Variants in PRR16 observed in about 807,000 individuals in gnomAD.
PRR16 encodes proline rich 16.
PRR16 carries 6 observed loss-of-function variants against 18.2 expected under a neutral mutation model. The ratio of observed to expected loss-of-function variants is 0.33; its 90% CI spans 0.18 to 0.65. The LOEUF (loss-of-function observed/expected upper bound fraction) is 0.65. Among genes scored for constraint, PRR16 ranks in the 30% least tolerant of loss-of-function variants. PRR16 has a pLI of 0.74. For missense variants in PRR16, 412 were observed against 376.6 expected (o/e 1.09, Z -0.78); for synonymous variants, 151 against 147.8 (o/e 1.02, Z -0.16).
At chr5:120,667,705 A>G (rs374153507) in intron 1 of PRR16, among the ~76,000 whole-genome samples, 1 of 151,412 alleles carries the variant, frequency 6.6e-6, no homozygotes, top group Non-Finnish European at 1.5e-5. Flanking sequence ...CCTTCATTTC[A>G]TTATGTACCC....
chr5:120,604,785 C>T (rs1754100323), intron 1 of PRR16, among the ~76,000 whole-genome samples: 1 of 152,116 alleles, frequency 6.6e-6, no homozygotes, highest in African/African-American at 2.4e-5. Flanking sequence ...TTCCCCTTCA[C>T]TTTTGTAGCT....
the PRR16 span, among the ~76,000 whole-genome samples, chr5:120,708,754 A>AT: frequency 1.3e-5 from 2 of 152,028 alleles, no homozygotes; most frequent in Admixed American, 6.6e-5. Flanking sequence ...CACAACTTAG[A>AT]TTTTTTTAAG....
the PRR16 span, among the ~76,000 whole-genome samples, chr5:120,737,890 A>T: frequency 1.1e-4 from 16 of 152,034 alleles, no homozygotes; most frequent in African/African-American, 3.9e-4. Flanking sequence ...TAGGTTATTT[A>T]TTTTGTTTGC....
chr5:120,471,878 A>G (rs1467450995), intron 1 of PRR16, among the ~76,000 whole-genome samples: 1 of 152,164 alleles, frequency 6.6e-6, no homozygotes, highest in Non-Finnish European at 1.5e-5. Flanking sequence ...GTAGACTCAC[A>G]AGGTAGTCTG....
chr5:120,529,096 G>A (rs1188867214), intron 1 of PRR16, among the ~76,000 whole-genome samples: 2 of 152,054 alleles, frequency 1.3e-5, no homozygotes, highest in African/African-American at 4.8e-5. Context: ...TTCTTAATAT[G>A]TATTAGAACA....
the PRR16 span, among the ~76,000 whole-genome samples, chr5:120,701,967 T>C: frequency 6.6e-6 from 1 of 152,014 alleles, no homozygotes; most frequent in Non-Finnish European, 1.5e-5. Flanking sequence ...CAGAAGAAAA[T>C]AAGGCATTTA....
At chr5:120,465,214 GC>G (rs1374633573) in intron 1 of PRR16, among the ~76,000 whole-genome samples, 2 of 152,160 alleles carry the variant, frequency 1.3e-5, no homozygotes, top group African/African-American at 4.8e-5. Context: ...CAGCCTTGGG[GC>G]TAAGGAGGGG....
intron 1 of PRR16, among the ~76,000 whole-genome samples, chr5:120,471,575 G>A (rs1031173169): frequency 2.0e-5 from 3 of 151,892 alleles, no homozygotes; most frequent in Admixed American, 6.6e-5. Flanking sequence ...ATTATAATTC[G>A]ATTTCTTGTA....
At chr5:120,746,498 C>A in the PRR16 span, among the ~76,000 whole-genome samples, 49 of 152,132 alleles carry the variant, frequency 3.2e-4, no homozygotes, top group Middle Eastern at 3.4e-3. Flanking sequence ...AAAACTACAT[C>A]CTTCCCAATT....
intron 1 of PRR16, among the ~76,000 whole-genome samples, chr5:120,592,313 A>G (rs1375309808): frequency 6.6e-6 from 1 of 152,202 alleles, no homozygotes; most frequent in Non-Finnish European, 1.5e-5. Context: ...AAAATGCAGA[A>G]TAACTCTTGT....
Position 120,526,761 on chromosome 5 carries a change from T to C in PRR16, c.159+62116T>C, listed in dbSNP as rs138605451. ...AGAATATACAGTAATTATTTGCTGT[T>C]TCCCAGCATTCTGAGACTGTATCTA... On this transcript the variant is annotated intron_variant, in intron 1 of 1. Transcript: ENST00000407149. Among the ~76,000 whole-genome samples, 3 of 152,314 alleles carry C rather than the reference T, an allele frequency of 2.0e-5. No individual in the cohort carries two copies. The East Asian group carries it at 5.8e-4, about 29-fold the overall frequency.
At chr5:120,646,936 G>T (rs1306705627) in intron 1 of PRR16, among the ~76,000 whole-genome samples, 1 of 151,874 alleles carries the variant, frequency 6.6e-6, no homozygotes, top group African/African-American at 2.4e-5. Flanking sequence ...GGAATCATGG[G>T]TTGCAGAGAC....
chr5:120,737,390 T>TA, the PRR16 span, among the ~76,000 whole-genome samples: 4 of 150,196 alleles, frequency 2.7e-5, no homozygotes, highest in East Asian at 7.8e-4. Flanking sequence ...TTGAGATAAT[T>TA]ATGTGAGTTT....
chr5:120,709,197 C>T, the PRR16 span, among the ~76,000 whole-genome samples: 34 of 151,498 alleles, frequency 2.2e-4, no homozygotes, highest in South Asian at 5.4e-3. Context: ...TTAGTAGAGA[C>T]GGGGTTTCAC....
chr5:120,768,556 T>C, the PRR16 span, among the ~76,000 whole-genome samples: 225 of 151,824 alleles, frequency 1.5e-3, 1 homozygote, highest in Middle Eastern at 3.4e-3. Flanking sequence ...CCTGAATTAA[T>C]ACTCAATAAG....
chr5:120,715,694 C>A, the PRR16 span, among the ~76,000 whole-genome samples: 1 of 152,086 alleles, frequency 6.6e-6, no homozygotes, highest in Non-Finnish European at 1.5e-5. Flanking sequence ...GTATGAAAAT[C>A]AAAATAAATT....
At chr5:120,610,757 T>A (rs966304165) in intron 1 of PRR16, among the ~76,000 whole-genome samples, 19 of 152,316 alleles carry the variant, frequency 1.2e-4, no homozygotes, top group Admixed American at 3.3e-4. Flanking sequence ...GTTGGCTATG[T>A]CTTTATCAGT....
At chr5:120,564,456 C>T (rs1752673124) in intron 1 of PRR16, among the ~76,000 whole-genome samples, 1 of 152,020 alleles carries the variant, frequency 6.6e-6, no homozygotes, top group Non-Finnish European at 1.5e-5. Flanking sequence ...CATGTCCCCT[C>T]TAGCTAGGTC....
At chr5:120,605,677 A>G (rs564040703) in intron 1 of PRR16, among the ~76,000 whole-genome samples, 3 of 152,024 alleles carry the variant, frequency 2.0e-5, no homozygotes, top group Non-Finnish European at 2.9e-5. Context: ...AGTTTTTTGG[A>G]TGGGGCTTTT....
Sources: gnomAD v4.1 joint callset for allele counts (sites outside exome capture counted in the v4.1 genomes callset) on GRCh38, gnomAD v4.1.1 for gene constraint, MANE v1.5 for transcripts, NCBI Gene and HGNC (gene_info 2026-07-23, HGNC 2026-07-21) for gene names.